AFAP1: variants seen among roughly 807,000 people sequenced by gnomAD.
AFAP1 encodes actin filament associated protein 1, also known as actin filament-associated protein 1.
Under a neutral mutation model 93.9 loss-of-function variants are expected in AFAP1, and 75 were observed. The observed-to-expected ratio is 0.80, with a 90% CI of 0.66 to 0.97. The LOEUF is 0.97. Among genes scored for constraint, AFAP1 ranks in the 50% least tolerant of loss-of-function variants. The pLI is 0.00. For missense variants in AFAP1, 1,201 were observed against 1,050.8 expected, an observed-to-expected ratio of 1.14 and a Z score of -1.98; for synonymous variants, 517 against 430.7, an observed-to-expected ratio of 1.20 and a Z score of -2.48.
At chr4:7,782,798 T>G (rs1716902253) in intron 12 of AFAP1, among the ~76,000 whole-genome samples, 1 of 152,158 alleles carries the variant, frequency 6.6e-6, no homozygotes, top group Non-Finnish European at 1.5e-5. Context: ...GCAGTAGGAG[T>G]GTCTGTATTC....
intron 3 of AFAP1, among the ~76,000 whole-genome samples, chr4:7,860,441 T>C (rs1224692872): frequency 1.3e-5 from 2 of 152,188 alleles, no homozygotes; most frequent in East Asian, 3.8e-4. Context: ...CCATTTCCAA[T>C]TTCCAGATTC....
intron 3 of AFAP1, chr4:7,862,402 G>GAGGC: frequency 1.0e-5 from 1 of 96,366 alleles, no homozygotes; most frequent in African/African-American, 3.7e-5. Flanking sequence ...TTGGGGGCGG[G>GAGGC]GGGGGGGGGG....
chr4:7,880,966 T>A (rs556391935), intron 1 of AFAP1, among the ~76,000 whole-genome samples: 1 of 152,340 alleles, frequency 6.6e-6, no homozygotes, highest in South Asian at 2.1e-4. Context: ...AAACACCTAT[T>A]GCTATTTGCA....
At chr4:7,861,474 C>T (rs1715672139) in intron 3 of AFAP1, among the ~76,000 whole-genome samples, 1 of 152,236 alleles carries the variant, frequency 6.6e-6, no homozygotes, top group African/African-American at 2.4e-5. Context: ...CCAAATTACA[C>T]CCCATTCCAT....
At chr4:7,909,606 C>A (rs928265450) in intron 1 of AFAP1, among the ~76,000 whole-genome samples, 4 of 152,184 alleles carry the variant, frequency 2.6e-5, no homozygotes, top group African/African-American at 9.7e-5. Flanking sequence ...GCAATTTCCA[C>A]ATTTGTTTGC....
At chr4:7,781,149 G>A (rs569483202) in intron 13 of AFAP1, among the ~76,000 whole-genome samples, 1 of 152,184 alleles carries the variant, frequency 6.6e-6, no homozygotes, top group African/African-American at 2.4e-5. Flanking sequence ...AACAGAAAGA[G>A]AGCCAGATGT....
At chr4:7,888,936 G>A (rs1718281000) in intron 1 of AFAP1, among the ~76,000 whole-genome samples, 2 of 151,772 alleles carry the variant, frequency 1.3e-5, no homozygotes, top group Admixed American at 1.3e-4. Context: ...GATTACAGGT[G>A]CCCACCACCA....
intron 1 of AFAP1, among the ~76,000 whole-genome samples, chr4:7,876,877 GCTC>G (rs1020631778): frequency 3.9e-5 from 6 of 152,162 alleles, no homozygotes; most frequent in African/African-American, 1.2e-4. Flanking sequence ...TGTTAGAAAA[GCTC>G]CTCCTTTTTG....
chr4:7,933,073 A>C lies in AFAP1; in HGVS notation c.-3+6583T>G, dbSNP rs1721179387. 2.0e-5 allele frequency among the ~76,000 whole-genome samples: 3 copies of C among 148,410 alleles called. No individual in the cohort carries two copies. The South Asian group carries it at 6.4e-4, about 32-fold the overall frequency. Reference sequence around the variant, plus strand: ...GATCTTCACGTTCCTGACGATTTGCAAAAAAAAATTGGTATCTGTTAACCA... The same window carrying C: ...GATCTTCACGTTCCTGACGATTTGCCAAAAAAAATTGGTATCTGTTAACCA... On this transcript the variant is annotated intron_variant, in intron 1 of 17. Transcript: ENST00000420658.
intron 1 of AFAP1, among the ~76,000 whole-genome samples, chr4:7,937,904 T>C (rs573414707): frequency 1.3e-5 from 2 of 152,182 alleles, no homozygotes; most frequent in Non-Finnish European, 2.9e-5. Context: ...TAAAATAGCA[T>C]GAATACTTGG....
chr4:7,792,481 C>T (rs556204486), intron 11 of AFAP1, among the ~76,000 whole-genome samples: 1 of 152,278 alleles, frequency 6.6e-6, no homozygotes, highest in Non-Finnish European at 1.5e-5. Flanking sequence ...GTATCATAAG[C>T]AACAAATACT....
chr4:7,790,528 A>T (rs942736973), intron 11 of AFAP1, among the ~76,000 whole-genome samples: 2 of 152,186 alleles, frequency 1.3e-5, no homozygotes. Context: ...TTGCAATTAC[A>T]TGTGGACGTA....
At chr4:7,891,087 CA>C (rs1032217534) in intron 1 of AFAP1, among the ~76,000 whole-genome samples, 47 of 143,974 alleles carry the variant, frequency 3.3e-4, no homozygotes, top group South Asian at 1.6e-3. Context: ...AATAAATTAC[CA>C]AAAAAAAAAA....
intron 4 of AFAP1, among the ~76,000 whole-genome samples, chr4:7,849,253 C>T (rs1438651019): frequency 6.6e-6 from 1 of 152,060 alleles, no homozygotes; most frequent in Non-Finnish European, 1.5e-5. Flanking sequence ...GAGAGGCTGG[C>T]AGAAAACACG....
In AFAP1 at chr4:7,919,006, G is replaced by GC. The variant is rs199648598; in HGVS notation, c.-3+20649dup. On this transcript the variant is annotated intron_variant, in intron 1 of 17. Transcript: ENST00000420658. ...GCCCAGGTCACCAGGAAACAGGGCTGCGGATGAGACACTCGGCCCAGGTCA... is the reference window on the plus strand; with the variant it reads ...GCCCAGGTCACCAGGAAACAGGGCTGCCGGATGAGACACTCGGCCCAGGTCA... Among the ~76,000 whole-genome samples, 192 of 82,690 alleles carry GC rather than the reference G, an allele frequency of 2.3e-3. 1 individual carries two copies. The highest frequency in any genetic ancestry group is 4.0e-3 in the African/African-American group (71 of 17,734). The allele number at this position is 82,690 out of a possible 152,430, so 54.2% of individuals were successfully genotyped here. A position where few individuals can be genotyped will look rare whatever the true frequency, so the allele number is the denominator to read the frequency against.
chr4:7,872,245 G>A (rs1157435650), intron 1 of AFAP1, 165 bp from the exon 2 acceptor site: 1 of 782,902 alleles, frequency 1.3e-6, no homozygotes, highest in Non-Finnish European at 1.9e-6. Context: ...AAAAGATTCA[G>A]GCGTCTTCTT....
chr4:7,799,776 C>T lies in AFAP1; in HGVS notation c.1266+666G>A, dbSNP rs533399410. ...GTTTTCTATGATGAAAAATTAAAAA[C>T]TTTCAATAATGAAAGTTTTGAGTAT... is the stretch of plus-strand genomic sequence containing the variant. On this transcript the variant is annotated intron_variant, in intron 10 of 17. Transcript: ENST00000420658. Among the ~76,000 whole-genome samples, 9 of 152,286 alleles carry T rather than the reference C, an allele frequency of 5.9e-5. No homozygotes were observed. In the South Asian group the frequency reaches 1.7e-3, roughly 28 times the overall value.
rs1013916558 is a variant in AFAP1, at chr4:7,799,146, G to A, written c.1266+1296C>T. On this transcript the variant is annotated intron_variant, in intron 10 of 17. Transcript: ENST00000420658. ...GAGAGAGAACAAAAGCTTTGGCCGT[G>A]GTCAGGGTCTGCACAGAGCTGAGAC... The A allele has an allele frequency of 3.4e-5, 32 of 950,026 alleles. No individual in the cohort carries two copies. In the African/African-American group the frequency reaches 5.1e-4, roughly 15 times the overall value. 58.8% of individuals were successfully genotyped at this position (950,026 alleles called of 1,614,324 possible).
At chr4:7,921,303 C>A (rs1432419286) in intron 1 of AFAP1, among the ~76,000 whole-genome samples, 1 of 151,392 alleles carries the variant, frequency 6.6e-6, no homozygotes, top group African/African-American at 2.4e-5. Context: ...CCTGCCTCAG[C>A]CTCCTGGGTA....
Sources: allele counts gnomAD v4.1 joint callset (sites outside exome capture counted in the v4.1 genomes callset), GRCh38; gene constraint gnomAD v4.1.1; transcripts MANE v1.5; gene names NCBI Gene and HGNC (gene_info 2026-07-23, HGNC 2026-07-21).